ARF4: variants seen among roughly 807,000 people sequenced by gnomAD.
ARF4 encodes ADP-ribosylation factor 4.
A neutral mutation model predicts 24.3 loss-of-function variants in ARF4; 5 were observed. That is an observed-to-expected ratio of 0.21 (90% confidence interval 0.11 to 0.43). The LOEUF (loss-of-function observed/expected upper bound fraction) is 0.43. Ranked by LOEUF, ARF4 falls within the 20% of genes least tolerant of loss-of-function variation. The probability of loss-of-function intolerance (pLI) is 1.00; values close to 1 mark genes in which losing one functional copy is unlikely to be tolerated. For missense variants in ARF4, 107 were observed against 213.0 expected, an observed-to-expected ratio of 0.50 and a Z score of 3.10; for synonymous variants, 62 against 73.5, an observed-to-expected ratio of 0.84 and a Z score of 0.80.
At position 57,571,382 on chromosome 3, in the gene ARF4, A is replaced by G. The variant is rs1329386734; in HGVS notation, c.*830T>C. ...ACACAATTACGTATTTTATCATTTT[A>G]TTAGGAATAATTCCAAATGGGTTAT... On this transcript the variant is annotated 3_prime_UTR_variant, in exon 6 of 6. Coordinates refer to ENST00000303436, the MANE Select transcript of ARF4 (RefSeq NM_001660.4). The G allele has an allele frequency of 2.0e-5, 3 of 152,616 alleles. No individual in the cohort carries two copies. Among genetic ancestry groups the G allele is most frequent in the African/African-American group, 7.2e-5 (3 of 41,452 alleles). 9.5% of individuals were successfully genotyped at this position (152,616 alleles called of 1,614,324 possible).
chr3:57,591,203 G>A (rs2070112136), intron 1 of ARF4, among the ~76,000 whole-genome samples: 1 of 152,040 alleles, frequency 6.6e-6, no homozygotes, highest in South Asian at 2.1e-4. Flanking sequence ...ACACAATTCC[G>A]CTCCTAAGTA....
chr3:57,594,007 G>C (rs2070149173), intron 1 of ARF4, among the ~76,000 whole-genome samples: 1 of 152,156 alleles, frequency 6.6e-6, no homozygotes, highest in Non-Finnish European at 1.5e-5. Flanking sequence ...TGTAATCCTA[G>C]CACTTTGGGA....
intron 3 of ARF4, among the ~76,000 whole-genome samples, chr3:57,582,138 G>T (rs1273469321): frequency 4.6e-5 from 7 of 152,128 alleles, no homozygotes; most frequent in Non-Finnish European, 8.8e-5. Context: ...GATAAGGAAT[G>T]TTCACCTTGT....
chr3:57,585,399 GAAGATGAAGCCAATT>G (rs1317341870), intron 1 of ARF4, among the ~76,000 whole-genome samples: 1 of 151,956 alleles, frequency 6.6e-6, no homozygotes, highest in Non-Finnish European at 1.5e-5. Context: ...GATAATAAAG[GAAGATGAAGCCAATT>G]TTACCCCTGC....
chr3:57,577,439 A>C, intron 3 of ARF4, 52 bp from the exon 4 acceptor site: 1 of 1,452,082 alleles, frequency 6.9e-7, no homozygotes, highest in Non-Finnish European at 9.7e-7. Flanking sequence ...CACTCTCTAT[A>C]TGAAACAGTG....
In ARF4 at chr3:57,584,457, C is replaced by T. The variant is rs2070013075; in HGVS notation, c.75G>A (p.Leu25=). 1.2e-6 allele frequency: 2 copies of T among 1,612,444 alleles called. No homozygotes were observed. Among genetic ancestry groups the T allele is most frequent in the African/African-American group, 1.3e-5 (1 of 74,872 alleles). ...KKQMRILMVG[L]DAAGKTTILY... ...GAATGGTTGTCTTGCCAGCAGCATC[C>T]AATCCAACTAGAAGAAGACATTATA... The change falls in exon 2 of 6, where the codon TTG becomes TTA. Residue 25 remains leucine (L), a synonymous_variant. Coordinates refer to ENST00000303436, the MANE Select transcript of ARF4 (RefSeq NM_001660.4).
In ARF4 at chr3:57,575,305, C is replaced by CA. The variant is rs11294059; in HGVS notation, c.456+242dup. Among the ~76,000 whole-genome samples, 909 of 134,988 alleles carry CA rather than the reference C, an allele frequency of 6.7e-3. 11 individuals are homozygous for CA. Among genetic ancestry groups the CA allele is most frequent in the African/African-American group, 0.023 (837 of 36,214 alleles). The allele number at this position is 134,988 out of a possible 152,430, so 88.6% of individuals were successfully genotyped here. ...TTTCCATTCCTTCCACCTCTCCCTT[C>CA]AAAAAAAAAAAAAAAGAAAAAAGAA... On this transcript the variant is annotated intron_variant, in intron 5 of 5. Transcript: ENST00000303436.
At chr3:57,591,464 T>C (rs2070115542) in intron 1 of ARF4, among the ~76,000 whole-genome samples, 2 of 147,162 alleles carry the variant, frequency 1.4e-5, no homozygotes, top group Non-Finnish European at 3.0e-5. Flanking sequence ...TTCTTCTCTT[T>C]TCTTTTCTTT....
At chr3:57,582,806 C>A (rs1211983356) in intron 3 of ARF4, among the ~76,000 whole-genome samples, 1 of 152,096 alleles carries the variant, frequency 6.6e-6, no homozygotes, top group Non-Finnish European at 1.5e-5. Flanking sequence ...GTAGAAAACA[C>A]AATCGAGGTG....
At chr3:57,572,868 A>G (rs1440255275) in intron 5 of ARF4, among the ~76,000 whole-genome samples, 1 of 152,096 alleles carries the variant, frequency 6.6e-6, no homozygotes, top group Non-Finnish European at 1.5e-5. Flanking sequence ...CGTTTCCCAT[A>G]AAACTAAACT....
intron 5 of ARF4, among the ~76,000 whole-genome samples, chr3:57,572,993 G>A (rs1488272196): frequency 6.6e-6 from 1 of 151,846 alleles, no homozygotes; most frequent in African/African-American, 2.4e-5. Context: ...ATGAGGTCAG[G>A]AGATCGAGAC....
intron 3 of ARF4, 52 bp downstream of exon 3, chr3:57,583,846 T>C (rs2070005145): frequency 5.4e-6 from 7 of 1,292,332 alleles, no homozygotes; most frequent in African/African-American, 1.5e-5. Context: ...ATAAAAACTT[T>C]AGAGCATGAA....
chr3:57,586,949 A>ACACACG (rs2070045192), intron 1 of ARF4, among the ~76,000 whole-genome samples: 1 of 152,066 alleles, frequency 6.6e-6, no homozygotes, highest in African/African-American at 2.4e-5. Context: ...AAACACACAC[A>ACACACG]CACACGCACA....
chr3:57,592,187 A>C (rs1204582640), intron 1 of ARF4, among the ~76,000 whole-genome samples: 1 of 152,090 alleles, frequency 6.6e-6, no homozygotes, highest in African/African-American at 2.4e-5. Flanking sequence ...TCTGGTGGAC[A>C]TACTGTATCT....
intron 5 of ARF4, 40 bp from the exon 6 acceptor site, chr3:57,572,338 T>G (rs1262216209): frequency 6.9e-7 from 1 of 1,458,792 alleles, no homozygotes; most frequent in Non-Finnish European, 9.6e-7. Flanking sequence ...TTAACAAAGT[T>G]AATATATAAC....
At chr3:57,587,722 A>G (rs1208839595) in intron 1 of ARF4, among the ~76,000 whole-genome samples, 1 of 152,158 alleles carries the variant, frequency 6.6e-6, no homozygotes, top group East Asian at 1.9e-4. Flanking sequence ...TTACAAAATC[A>G]TGCAACCATT....
chr3:57,593,551 C>T (rs570221780), intron 1 of ARF4, among the ~76,000 whole-genome samples: 135 of 152,314 alleles, frequency 8.9e-4, no homozygotes, highest in Admixed American at 1.6e-3. Context: ...ACACTGATAT[C>T]AGCAAACTTT....
chr3:57,597,058 G>A lies in ARF4; in HGVS notation c.67+16C>T. Reference sequence around the variant, plus strand: ...GCCTTTCCCAGGTCCCGCCTGACTCGCAGCCCCTCACTCACCCATCAAAAT... The same window carrying A: ...GCCTTTCCCAGGTCCCGCCTGACTCACAGCCCCTCACTCACCCATCAAAAT... On this transcript the variant is annotated intron_variant, in intron 1 of 5. Coordinates refer to ENST00000303436, the MANE Select transcript of ARF4 (RefSeq NM_001660.4). The A allele has an allele frequency of 1.2e-6, 2 of 1,612,968 alleles. No individual in the cohort carries two copies. The highest frequency in any genetic ancestry group is 1.7e-6 in the Non-Finnish European group (2 of 1,179,064).
intron 3 of ARF4, among the ~76,000 whole-genome samples, chr3:57,581,730 G>A (rs779171813): frequency 9.2e-5 from 14 of 152,132 alleles, no homozygotes; most frequent in Non-Finnish European, 1.5e-4. Context: ...AACCCAGGAG[G>A]CAGAGGTTGC....
Sources: gnomAD v4.1 joint callset for allele counts (sites outside exome capture counted in the v4.1 genomes callset) on GRCh38, gnomAD v4.1.1 for gene constraint, MANE v1.5 for transcripts, NCBI Gene and HGNC (gene_info 2026-07-23, HGNC 2026-07-21) for gene names.